MARK1: variants seen among roughly 807,000 people sequenced by gnomAD.
MARK1 encodes microtubule affinity regulating kinase 1.
MARK1 carries 40 observed loss-of-function variants against 96.3 expected under a neutral mutation model. The ratio of observed to expected loss-of-function variants is 0.42; its 90% CI spans 0.32 to 0.54. The LOEUF (loss-of-function observed/expected upper bound fraction) is 0.54. Among genes scored for constraint, MARK1 ranks in the 20% least tolerant of loss-of-function variants. The probability of loss-of-function intolerance (pLI) is 0.16; values close to 1 mark genes in which losing one functional copy is unlikely to be tolerated. For missense variants in MARK1, 719 were observed against 984.6 expected (o/e 0.73, Z 3.61); for synonymous variants, 317 against 341.2 (o/e 0.93, Z 0.78).
At chr1:220,584,438 G>A (rs1458310987) in intron 3 of MARK1, among the ~76,000 whole-genome samples, 1 of 152,080 alleles carries the variant, frequency 6.6e-6, no homozygotes, top group Non-Finnish European at 1.5e-5. Flanking sequence ...ACAGGAAAAG[G>A]GTAAAACATT....
chr1:220,625,711 A>C, intron 9 of MARK1: 1 of 410,766 alleles, frequency 2.4e-6, no homozygotes, highest in South Asian at 1.9e-5. Context: ...GTTGAGACCA[A>C]CTGATGGGAG....
At chr1:220,605,500 A>G (rs1666012969) in intron 6 of MARK1, among the ~76,000 whole-genome samples, 3 of 151,630 alleles carry the variant, frequency 2.0e-5, no homozygotes, top group South Asian at 4.2e-4. Context: ...ATTTTATTTT[A>G]TTTTATTTTA....
intron 9 of MARK1, among the ~76,000 whole-genome samples, chr1:220,628,566 G>T (rs967950073): frequency 6.6e-6 from 1 of 152,112 alleles, no homozygotes; most frequent in African/African-American, 2.4e-5. Flanking sequence ...GTCATGCTGT[G>T]CGGGTTTTTC....
At chr1:220,644,043 T>C (rs964502943) in intron 13 of MARK1, among the ~76,000 whole-genome samples, 2 of 152,164 alleles carry the variant, frequency 1.3e-5, no homozygotes, top group Non-Finnish European at 2.9e-5. Flanking sequence ...AGCATTATGA[T>C]GACAGGATCA....
At chr1:220,531,613 C>T (rs1006386440) in intron 1 of MARK1, among the ~76,000 whole-genome samples, 6 of 152,062 alleles carry the variant, frequency 3.9e-5, no homozygotes, top group Non-Finnish European at 8.8e-5. Flanking sequence ...AATATTATAG[C>T]ACTGATCTCT....
intron 1 of MARK1, among the ~76,000 whole-genome samples, chr1:220,540,096 T>G (rs1276519505): frequency 6.6e-6 from 1 of 152,146 alleles, no homozygotes; most frequent in Non-Finnish European, 1.5e-5. Context: ...CATAACTTAG[T>G]TTTTGTAGGT....
intron 6 of MARK1, among the ~76,000 whole-genome samples, chr1:220,611,664 A>G (rs1666452087): frequency 6.6e-6 from 1 of 152,236 alleles, no homozygotes; most frequent in Non-Finnish European, 1.5e-5. Flanking sequence ...GCTGCAGACC[A>G]GAGGTCTTCC....
At chr1:220,600,955 C>T (rs1260553277) in intron 5 of MARK1, among the ~76,000 whole-genome samples, 1 of 150,838 alleles carries the variant, frequency 6.6e-6, no homozygotes, top group Non-Finnish European at 1.5e-5. Flanking sequence ...TGCAGTGGCA[C>T]GATCTCGGTT....
At chr1:220,656,194 T>A (rs1252548147) in intron 16 of MARK1, among the ~76,000 whole-genome samples, 1 of 152,234 alleles carries the variant, frequency 6.6e-6, no homozygotes, top group Non-Finnish European at 1.5e-5. Flanking sequence ...CTTCTGTAGC[T>A]CCATCTGCCT....
chr1:220,609,290 T>C (rs1415957810), intron 6 of MARK1, among the ~76,000 whole-genome samples: 1 of 152,220 alleles, frequency 6.6e-6, no homozygotes, highest in Non-Finnish European at 1.5e-5. Context: ...GTTGAATTGA[T>C]CCCTTTACCA....
chr1:220,588,700 A>T (rs1664805739), intron 3 of MARK1, among the ~76,000 whole-genome samples: 1 of 152,208 alleles, frequency 6.6e-6, no homozygotes, highest in Non-Finnish European at 1.5e-5. Context: ...TGAAAGTTTA[A>T]TCTGTAGGAT....
chr1:220,591,781 G>A (rs1664997822), intron 3 of MARK1, among the ~76,000 whole-genome samples: 1 of 151,990 alleles, frequency 6.6e-6, no homozygotes, highest in Non-Finnish European at 1.5e-5. Flanking sequence ...TCTGCCAATT[G>A]TCATTCTGCT....
chr1:220,596,126 C>G (rs939536949), intron 3 of MARK1, among the ~76,000 whole-genome samples: 2 of 152,012 alleles, frequency 1.3e-5, no homozygotes, highest in African/African-American at 2.4e-5. Flanking sequence ...AGCAACAAAT[C>G]GATGATATTT....
chr1:220,600,110 A>G (rs1665641530), intron 5 of MARK1, among the ~76,000 whole-genome samples: 1 of 152,090 alleles, frequency 6.6e-6, no homozygotes, highest in Admixed American at 6.6e-5. Context: ...TTAAATTTGT[A>G]TTTTCATCTT....
At chr1:220,611,285 A>AC (rs1363469736) in intron 6 of MARK1, among the ~76,000 whole-genome samples, 1 of 152,082 alleles carries the variant, frequency 6.6e-6, no homozygotes, top group Non-Finnish European at 1.5e-5. Flanking sequence ...GCATTGGCAA[A>AC]TTCCCCTCCC....
At chr1:220,657,921 A>T in intron 17 of MARK1, 87 bp downstream of exon 17, 3 of 921,342 alleles carry the variant, frequency 3.3e-6, no homozygotes, top group East Asian at 6.4e-5. Flanking sequence ...AATGATCATG[A>T]ATAGATCTAA....
At chr1:220,558,522 G>T (rs575094651) in intron 1 of MARK1, among the ~76,000 whole-genome samples, 1 of 151,402 alleles carries the variant, frequency 6.6e-6, no homozygotes. Flanking sequence ...GACAATGAAA[G>T]GTTGAAAAAA....
intron 1 of MARK1, among the ~76,000 whole-genome samples, chr1:220,530,894 T>C (rs1425583794): frequency 6.6e-6 from 1 of 152,194 alleles, no homozygotes; most frequent in Non-Finnish European, 1.5e-5. Flanking sequence ...GTGGAAAATA[T>C]CTATTATATG....
At chr1:220,634,166 G>T (rs1285602322) in intron 11 of MARK1, among the ~76,000 whole-genome samples, 2 of 152,114 alleles carry the variant, frequency 1.3e-5, no homozygotes, top group Non-Finnish European at 2.9e-5. Context: ...ATTTCTAAAG[G>T]CTTTGAACTG....
Sources: allele counts gnomAD v4.1 joint callset (sites outside exome capture counted in the v4.1 genomes callset), GRCh38; gene constraint gnomAD v4.1.1; transcripts MANE v1.5; gene names NCBI Gene and HGNC (gene_info 2026-07-23, HGNC 2026-07-21).